The following TNS3 variants were observed in gnomAD, a reference collection of about 807,000 sequenced individuals.
TNS3 encodes the protein tensin-3.
Under a neutral mutation model 140.9 loss-of-function variants are expected in TNS3, and 45 were observed. That is an observed-to-expected ratio of 0.32 (90% confidence interval 0.25 to 0.41). The LOEUF is 0.41. Among genes scored for constraint, TNS3 ranks in the 10% least tolerant of loss-of-function variants. The pLI is 1.00. For synonymous variants in TNS3, 815 were observed against 788.4 expected (o/e 1.03, Z -0.56); for missense variants, 1,716 against 1,906.7 (o/e 0.90, Z 1.86).
chr7:47,485,664 G>A (rs958911001), intron 3 of TNS3, among the ~76,000 whole-genome samples: 9 of 152,264 alleles, frequency 5.9e-5, no homozygotes, highest in Non-Finnish European at 1.0e-4. Flanking sequence ...TCCCTCCCAT[G>A]GTGGAGGCGA....
At chr7:47,497,272 C>T (rs1798047689) in intron 3 of TNS3, among the ~76,000 whole-genome samples, 1 of 152,126 alleles carries the variant, frequency 6.6e-6, no homozygotes, top group Non-Finnish European at 1.5e-5. Flanking sequence ...AGAGTAGTTT[C>T]CAGCAACTGA....
At chr7:47,522,438 C>T (rs1184856404) in intron 2 of TNS3, among the ~76,000 whole-genome samples, 2 of 152,302 alleles carry the variant, frequency 1.3e-5, no homozygotes, top group East Asian at 1.9e-4. Flanking sequence ...TTATCTCAGC[C>T]GCCTCAGCCT....
chr7:47,470,255 T>C (rs1796896506), intron 4 of TNS3, among the ~76,000 whole-genome samples: 1 of 152,134 alleles, frequency 6.6e-6, no homozygotes, highest in Non-Finnish European at 1.5e-5. Context: ...AACCACCTAT[T>C]GGGTACTATG....
chr7:47,578,502 G>A (rs1395279841), intron 1 of TNS3, among the ~76,000 whole-genome samples: 1 of 151,664 alleles, frequency 6.6e-6, no homozygotes, highest in African/African-American at 2.4e-5. Context: ...GCGAGGGTAG[G>A]AGGCAACAGG....
At chr7:47,456,910 G>A (rs575123266) in intron 4 of TNS3, among the ~76,000 whole-genome samples, 1 of 151,876 alleles carries the variant, frequency 6.6e-6, no homozygotes, top group Non-Finnish European at 1.5e-5. Flanking sequence ...TGAAGGTTAT[G>A]AGTATTAGTG....
In TNS3 at chr7:47,303,457, C is replaced by A. The variant is rs774800722; in HGVS notation, c.2950G>T (p.Val984Leu). 3 of 1,612,426 alleles carry A rather than the reference C, an allele frequency of 1.9e-6. No individual in the cohort carries two copies. The highest frequency in any genetic ancestry group is 1.1e-5 in the South Asian group (1 of 91,078). ...EFSGTRKDSPVLSCFPPSELQ... is the reference protein window; with the variant it reads ...EFSGTRKDSPLLSCFPPSELQ... ...TCTGACGGCGGGAAGCAGGACAGCACTGGGGAGTCCTTCCTGGTACCGGAG... is the reference window on the plus strand; with the variant it reads ...TCTGACGGCGGGAAGCAGGACAGCAATGGGGAGTCCTTCCTGGTACCGGAG... Residue 984 changes from valine (V) to leucine (L), a missense_variant, in exon 22 of 31, where the codon GTG (valine) becomes TTG (leucine). Physicochemically the swap from Val to Leu is conservative, Grantham distance 32. Around this residue, in one of 3 missense-constraint regions of TNS3, gnomAD observed 1,163 missense variants for 1,182.1 expected, o/e 0.98. Coordinates refer to ENST00000311160, the MANE Select transcript of TNS3 (RefSeq NM_022748.12).
At chr7:47,319,378 C>CGAGAGAGAGAGAGTGAGAGAGTGATA (rs1562589557) in intron 20 of TNS3, among the ~76,000 whole-genome samples, 1 of 149,428 alleles carries the variant, frequency 6.7e-6, no homozygotes, top group Non-Finnish European at 1.5e-5. Context: ...GAGAGGAAGG[C>CGAGAGAGAGAGAGTGAGAGAGTGATA]GAGAGAGAGA....
At chr7:47,501,135 G>A (rs901208170) in intron 3 of TNS3, among the ~76,000 whole-genome samples, 2 of 143,228 alleles carry the variant, frequency 1.4e-5, no homozygotes, top group Non-Finnish European at 3.0e-5. Flanking sequence ...GAGAAAGGGA[G>A]GAAGAGAGGA....
At chr7:47,436,055 C>T (rs528563179) in intron 7 of TNS3, among the ~76,000 whole-genome samples, 9 of 152,162 alleles carry the variant, frequency 5.9e-5, no homozygotes, top group Middle Eastern at 3.4e-3. Flanking sequence ...GTCAGTAGGA[C>T]GAGGACAAGG....
At chr7:47,523,017 TTTAAAAA>T (rs1372515648) in intron 2 of TNS3, among the ~76,000 whole-genome samples, 2 of 152,148 alleles carry the variant, frequency 1.3e-5, no homozygotes, top group Admixed American at 1.3e-4. Context: ...TGGGCTACTG[TTTAAAAA>T]TTACCCTAAA....
intron 27 of TNS3, 25 bp from the exon 28 acceptor site, chr7:47,283,890 T>G (rs370538707): frequency 5.8e-6 from 9 of 1,545,386 alleles, no homozygotes; most frequent in Admixed American, 2.0e-5. Flanking sequence ...GGGAGACACA[T>G]GTTAGTTGCA....
chr7:47,398,520 T>C (rs965837365), intron 15 of TNS3, among the ~76,000 whole-genome samples: 1 of 152,132 alleles, frequency 6.6e-6, no homozygotes, highest in African/African-American at 2.4e-5. Context: ...TGATTTAACA[T>C]ATAGAAGTCA....
At chr7:47,444,799 CA>C (rs200948677) in intron 4 of TNS3, among the ~76,000 whole-genome samples, 2 of 151,898 alleles carry the variant, frequency 1.3e-5, no homozygotes, top group Non-Finnish European at 2.9e-5. Flanking sequence ...AAAAAACAAA[CA>C]AAAAAAACCT....
chr7:47,296,871 C>T (rs891442679), intron 24 of TNS3, among the ~76,000 whole-genome samples: 19 of 152,084 alleles, frequency 1.2e-4, no homozygotes, highest in Non-Finnish European at 4.4e-5. Flanking sequence ...AATGGATTAC[C>T]TATTCAAAAC....
intron 16 of TNS3, among the ~76,000 whole-genome samples, chr7:47,389,019 AAGAAGAAGAAGAAG>A (rs1562674502): frequency 1.4e-3 from 3 of 2,128 alleles, no homozygotes; most frequent in Non-Finnish European, 4.1e-3. Context: ...GAAGAAGAAG[AAGAAGAAGAAGAAG>A]AAGAAGAAGA....
chr7:47,340,806 T>C (rs554997541), intron 20 of TNS3, among the ~76,000 whole-genome samples: 5 of 152,214 alleles, frequency 3.3e-5, no homozygotes, highest in Non-Finnish European at 5.9e-5. Flanking sequence ...TTGTCTTAAT[T>C]TCCTTTTCTT....
chr7:47,530,413 A>G (rs1436656646), intron 1 of TNS3, among the ~76,000 whole-genome samples: 1 of 152,082 alleles, frequency 6.6e-6, no homozygotes, highest in East Asian at 1.9e-4. Flanking sequence ...CCAACATAAC[A>G]TATGTGTAAT....
chr7:47,501,846 C>T (rs753711823), intron 3 of TNS3, among the ~76,000 whole-genome samples: 5 of 152,040 alleles, frequency 3.3e-5, no homozygotes, highest in South Asian at 2.1e-4. Flanking sequence ...CTGAGCCATG[C>T]GGGAGTCAGA....
At chr7:47,474,812 C>T (rs544226775) in intron 4 of TNS3, among the ~76,000 whole-genome samples, 3 of 148,402 alleles carry the variant, frequency 2.0e-5, no homozygotes, top group African/African-American at 7.5e-5. Flanking sequence ...AACACACACA[C>T]CTCACACACA....
Sources: allele counts gnomAD v4.1 joint callset (sites outside exome capture counted in the v4.1 genomes callset), GRCh38; gene constraint gnomAD v4.1.1; regional missense constraint gnomAD v4.1.1; transcripts MANE v1.5; gene names NCBI Gene and HGNC (gene_info 2026-07-23, HGNC 2026-07-21).